Variants in ARHGAP10 observed in about 807,000 individuals in gnomAD.
The protein encoded by ARHGAP10 is Rho GTPase activating protein 10.
A neutral mutation model predicts 108.6 loss-of-function variants in ARHGAP10; 87 were observed. The observed-to-expected ratio is 0.80, with a 90% CI of 0.67 to 0.96. The LOEUF (loss-of-function observed/expected upper bound fraction) is 0.96. ARHGAP10 is among the 40% of genes least tolerant of loss of function. The probability of loss-of-function intolerance (pLI) is 0.00; values close to 1 mark genes in which losing one functional copy is unlikely to be tolerated. For synonymous variants in ARHGAP10, 347 were observed against 341.1 expected (o/e 1.02, Z -0.19); for missense variants, 939 against 954.5 (o/e 0.98, Z 0.21).
At chr4:147,992,500 C>T (rs1046277548) in intron 18 of ARHGAP10, among the ~76,000 whole-genome samples, 7 of 152,154 alleles carry the variant, frequency 4.6e-5, no homozygotes, top group Admixed American at 6.5e-5. Context: ...CTCCGCCTCC[C>T]GGGTTCAAGC....
chr4:147,970,400 A>T (rs1739360607), intron 18 of ARHGAP10, among the ~76,000 whole-genome samples: 1 of 151,922 alleles, frequency 6.6e-6, no homozygotes, highest in Non-Finnish European at 1.5e-5. Flanking sequence ...AGTCTGAGAA[A>T]GGAAAACATT....
In ARHGAP10 at chr4:147,911,862, A is replaced by G. The variant is rs562317915; in HGVS notation, c.1163-1212A>G. On this transcript the variant is annotated intron_variant, in intron 12 of 22. Coordinates refer to ENST00000336498, the MANE Select transcript of ARHGAP10 (RefSeq NM_024605.4). ...ATTTTAAAAGCTTGGAGCATGGTGT[A>G]AAATATCAAAATTTTAATTCAAGCT... is the stretch of plus-strand genomic sequence containing the variant. 1.1e-4 allele frequency among the ~76,000 whole-genome samples: 16 copies of G among 152,034 alleles called. 1 individual carries two copies. In the East Asian group the frequency reaches 2.7e-3, roughly 26 times the overall value.
At chr4:147,972,765 T>A (rs1473328607) in intron 18 of ARHGAP10, among the ~76,000 whole-genome samples, 6 of 152,010 alleles carry the variant, frequency 3.9e-5, no homozygotes, top group Admixed American at 3.3e-4. Flanking sequence ...ATTTCTTTTT[T>A]TTTTTTGAGA....
chr4:147,781,664 T>C (rs1277501056), intron 1 of ARHGAP10, among the ~76,000 whole-genome samples: 1 of 148,986 alleles, frequency 6.7e-6, no homozygotes, highest in Non-Finnish European at 1.5e-5. Flanking sequence ...TTTTCTTTCA[T>C]TTTTTTCTTT....
At chr4:147,830,907 G>T (rs1451205464) in intron 3 of ARHGAP10, among the ~76,000 whole-genome samples, 1 of 152,262 alleles carries the variant, frequency 6.6e-6, no homozygotes, top group Non-Finnish European at 1.5e-5. Context: ...TGGTTAAAAT[G>T]AGTTAAATGC....
chr4:147,907,550 C>G (rs1451408163), intron 11 of ARHGAP10, among the ~76,000 whole-genome samples: 3 of 152,106 alleles, frequency 2.0e-5, no homozygotes, highest in Non-Finnish European at 2.9e-5. Context: ...TCATGTAGAG[C>G]AGAAACAGGT....
chr4:147,912,488 G>A (rs1367054887), intron 12 of ARHGAP10, among the ~76,000 whole-genome samples: 1 of 149,086 alleles, frequency 6.7e-6, no homozygotes, highest in Non-Finnish European at 1.5e-5. Flanking sequence ...TTGCACTCTA[G>A]CTTGGGTGAC....
chr4:148,011,406 C>T (rs1172929233), intron 18 of ARHGAP10, among the ~76,000 whole-genome samples: 1 of 152,198 alleles, frequency 6.6e-6, no homozygotes, highest in African/African-American at 2.4e-5. Context: ...GGTGCCTAGG[C>T]TGGGCTGACT....
chr4:147,905,517 A>G (rs1026634377), intron 10 of ARHGAP10, among the ~76,000 whole-genome samples: 6 of 119,438 alleles, frequency 5.0e-5, no homozygotes, highest in South Asian at 3.3e-4. Flanking sequence ...TGTTTTTCTC[A>G]GGTTTGTCAA....
intron 1 of ARHGAP10, among the ~76,000 whole-genome samples, chr4:147,765,946 C>T (rs535556210): frequency 8.3e-4 from 127 of 152,154 alleles, no homozygotes; most frequent in African/African-American, 2.9e-3. Flanking sequence ...TTCCAGGAAC[C>T]CCTTGAATAC....
At chr4:147,887,360 T>C (rs1735613527) in intron 10 of ARHGAP10, among the ~76,000 whole-genome samples, 1 of 151,996 alleles carries the variant, frequency 6.6e-6, no homozygotes, top group Non-Finnish European at 1.5e-5. Context: ...AGGATATTAC[T>C]CAAGCAACTC....
intron 1 of ARHGAP10, among the ~76,000 whole-genome samples, chr4:147,789,670 A>AT (rs747136332): frequency 5.9e-5 from 9 of 152,208 alleles, no homozygotes; most frequent in Non-Finnish European, 1.2e-4. Flanking sequence ...CAAATCTCAC[A>AT]TTTTAGATAG....
At chr4:147,854,796 A>G (rs1034427906) in intron 4 of ARHGAP10, 30 of 985,450 alleles carry the variant, frequency 3.0e-5, no homozygotes, top group Non-Finnish European at 3.6e-5. Context: ...CAGCATTTGT[A>G]TAATACCATA....
intron 18 of ARHGAP10, among the ~76,000 whole-genome samples, chr4:147,986,694 A>G (rs990608108): frequency 1.3e-5 from 2 of 152,232 alleles, no homozygotes; most frequent in African/African-American, 4.8e-5. Flanking sequence ...TTCATATAGA[A>G]TAAGAGTATG....
At chr4:147,962,849 G>A (rs1739051884) in intron 16 of ARHGAP10, among the ~76,000 whole-genome samples, 1 of 152,078 alleles carries the variant, frequency 6.6e-6, no homozygotes, top group Admixed American at 6.5e-5. Flanking sequence ...TTTTAGTAGA[G>A]ATGGTCTCAC....
rs974630383 is a variant in ARHGAP10 at position 148,006,483 on chromosome 4, C to T, written c.1717-16780C>T. ...TTGTTGCTGTGCCATGCCCACATTCCCAAGCCAGAATATTCCTAGCATAAT... is the reference window on the plus strand; with the variant it reads ...TTGTTGCTGTGCCATGCCCACATTCTCAAGCCAGAATATTCCTAGCATAAT... On this transcript the variant is annotated intron_variant, in intron 18 of 22. Coordinates refer to ENST00000336498, the MANE Select transcript of ARHGAP10 (RefSeq NM_024605.4). Among the ~76,000 whole-genome samples the T allele has an allele frequency of 2.0e-5, 3 of 152,204 alleles. No homozygotes were observed. In the East Asian group the frequency reaches 5.8e-4, roughly 29 times the overall value.
At chr4:147,818,637 G>T (rs979589776) in intron 1 of ARHGAP10, among the ~76,000 whole-genome samples, 1 of 151,724 alleles carries the variant, frequency 6.6e-6, no homozygotes, top group African/African-American at 2.4e-5. Context: ...AACCCAGGCA[G>T]AGATGTTGCT....
At chr4:147,816,316 G>A (rs1278411446) in intron 1 of ARHGAP10, among the ~76,000 whole-genome samples, 5 of 152,138 alleles carry the variant, frequency 3.3e-5, no homozygotes, top group Non-Finnish European at 5.9e-5. Context: ...GGCTATTTTG[G>A]TGTTTGGTTG....
chr4:147,902,668 G>C (rs1227123674), intron 10 of ARHGAP10, among the ~76,000 whole-genome samples: 1 of 152,088 alleles, frequency 6.6e-6, no homozygotes, highest in East Asian at 1.9e-4. Flanking sequence ...TTGAACCTGG[G>C]AGGTGGAGGT....
Sources: allele counts gnomAD v4.1 joint callset (sites outside exome capture counted in the v4.1 genomes callset), GRCh38; gene constraint gnomAD v4.1.1; transcripts MANE v1.5; gene names NCBI Gene and HGNC (gene_info 2026-07-23, HGNC 2026-07-21).